The following ST18 variants were observed in gnomAD, a reference collection of about 807,000 sequenced individuals.
The protein encoded by ST18 is suppression of tumorigenicity 18 protein.
In ST18, 50 loss-of-function variants were observed where a neutral mutation model predicts 110.0. That is an observed-to-expected ratio of 0.45 (90% CI 0.36 to 0.58). The LOEUF (loss-of-function observed/expected upper bound fraction) is 0.58, where lower values mean the gene tolerates loss of function less well. Among genes scored for constraint, ST18 ranks in the 20% least tolerant of loss-of-function variants. The pLI is 0.00. For missense variants in ST18, 1,306 were observed against 1,280.1 expected (o/e 1.02, Z -0.31); for synonymous variants, 461 against 452.4 (o/e 1.02, Z -0.24).
intron 9 of ST18, 24 bp downstream of exon 9, chr8:52,180,098 A>C: frequency 6.2e-7 from 1 of 1,611,612 alleles, no homozygotes; most frequent in Non-Finnish European, 8.5e-7. Flanking sequence ...GAGCAGGTAA[A>C]GTTTGGGCTC....
At chr8:52,212,216 C>T in intron 7 of ST18, 107 bp from the exon 8 acceptor site, 1 of 1,036,572 alleles carries the variant, frequency 9.6e-7, no homozygotes, top group Non-Finnish European at 1.4e-6. Context: ...ATAAGTTTCT[C>T]ACTGGGTGGG....
intron 2 of ST18, among the ~76,000 whole-genome samples, chr8:52,319,138 C>A (rs2096080378): frequency 6.6e-6 from 1 of 152,042 alleles, no homozygotes; most frequent in African/African-American, 2.4e-5. Flanking sequence ...ATTCAGAAAA[C>A]AAACAAAAAA....
At chr8:52,118,566 C>A in intron 23 of ST18, 125 bp from the exon 24 acceptor site, 2 of 532,094 alleles carry the variant, frequency 3.8e-6, no homozygotes, top group South Asian at 3.3e-5. Flanking sequence ...CAAAACAATG[C>A]ATATCTAGGA....
intron 19 of ST18, among the ~76,000 whole-genome samples, chr8:52,135,946 C>A (rs539260996): frequency 6.6e-6 from 1 of 152,172 alleles, no homozygotes; most frequent in South Asian, 2.1e-4. Flanking sequence ...AATCCTATTT[C>A]TTTATCTTTT....
chr8:52,164,425 G>C (rs2062309305), intron 12 of ST18, among the ~76,000 whole-genome samples: 1 of 152,200 alleles, frequency 6.6e-6, no homozygotes, highest in East Asian at 1.9e-4. Context: ...CGAGAAGTTA[G>C]CATAACTCCT....
chr8:52,262,725 C>T (rs2094732963), intron 2 of ST18, among the ~76,000 whole-genome samples: 2 of 152,204 alleles, frequency 1.3e-5, no homozygotes, highest in East Asian at 3.8e-4. Flanking sequence ...GTCTGAATTT[C>T]TAAGTACCAT....
At chr8:52,250,761 GA>G (rs1305228342) in intron 2 of ST18, among the ~76,000 whole-genome samples, 1 of 151,762 alleles carries the variant, frequency 6.6e-6, no homozygotes, top group African/African-American at 2.4e-5. Context: ...TGGCCACCAA[GA>G]GATATTTACT....
chr8:52,268,122 G>A (rs770568199), intron 2 of ST18, among the ~76,000 whole-genome samples: 3 of 152,226 alleles, frequency 2.0e-5, no homozygotes, highest in Non-Finnish European at 2.9e-5. Context: ...TTTTGGTCCA[G>A]TGTGAATGGG....
intron 2 of ST18, among the ~76,000 whole-genome samples, chr8:52,273,540 C>T (rs1305839445): frequency 6.6e-6 from 1 of 152,200 alleles, no homozygotes; most frequent in Non-Finnish European, 1.5e-5. Flanking sequence ...TTACAGTCAA[C>T]TCTAACATCA....
chr8:52,178,989 C>T (rs943043335), intron 9 of ST18, among the ~76,000 whole-genome samples: 1 of 152,090 alleles, frequency 6.6e-6, no homozygotes, highest in Non-Finnish European at 1.5e-5. Context: ...TATGATTCTA[C>T]ATGCCATAAA....
chr8:52,308,942 A>G (rs925854091), intron 2 of ST18, among the ~76,000 whole-genome samples: 1 of 152,238 alleles, frequency 6.6e-6, no homozygotes, highest in African/African-American at 2.4e-5. Context: ...ACAGATGGGC[A>G]TATTCTCTTT....
At chr8:52,247,567 A>T (rs893996714) in intron 2 of ST18, among the ~76,000 whole-genome samples, 13 of 152,210 alleles carry the variant, frequency 8.5e-5, no homozygotes, top group African/African-American at 2.9e-4. Flanking sequence ...TTTCTGAAAC[A>T]TTCATTCTTG....
chr8:52,268,503 C>CTATCTATT (rs879597385), intron 2 of ST18, among the ~76,000 whole-genome samples: 2 of 148,706 alleles, frequency 1.3e-5, no homozygotes, highest in East Asian at 3.9e-4. Context: ...ATCTATCTAT[C>CTATCTATT]TATCTATTTA....
At chr8:52,303,388 T>C (rs2139576343) in intron 2 of ST18, among the ~76,000 whole-genome samples, 1 of 152,372 alleles carries the variant, frequency 6.6e-6, no homozygotes. Flanking sequence ...ACACCAGTTA[T>C]TGGATTTAAG....
chr8:52,209,974 C>T (rs549478986), intron 8 of ST18: 15 of 446,936 alleles, frequency 3.4e-5, no homozygotes, highest in African/African-American at 2.4e-4. Flanking sequence ...AATGTACACA[C>T]ATTAATTCCT....
In ST18 at chr8:52,111,749, G is replaced by A. The variant is rs1329921635; in HGVS notation, c.*1449C>T. On this transcript the variant is annotated 3_prime_UTR_variant, in exon 26 of 26. Coordinates refer to ENST00000689386, the MANE Select transcript of ST18 (RefSeq NM_001352837.2). ...ACAGAGGCACGTCTGCACATGAAAT[G>A]TGTGTGCACACCAAAAAGGCAGTTT... 2 of 152,592 alleles carry A rather than the reference G, an allele frequency of 1.3e-5. No individual in the cohort carries two copies. The highest frequency in any genetic ancestry group is 2.1e-4 in the South Asian group (1 of 4,826). 9.5% of individuals were successfully genotyped at this position (152,592 alleles called of 1,614,324 possible).
chr8:52,273,221 T>C (rs572252954), intron 2 of ST18, among the ~76,000 whole-genome samples: 1 of 152,314 alleles, frequency 6.6e-6, no homozygotes, highest in South Asian at 2.1e-4. Context: ...GAAACCAGCC[T>C]GAGTTGCAGT....
chr8:52,350,999 C>T (rs1361286186), intron 2 of ST18, among the ~76,000 whole-genome samples: 1 of 152,114 alleles, frequency 6.6e-6, no homozygotes, highest in Non-Finnish European at 1.5e-5. Flanking sequence ...GGATTACAGG[C>T]GTGAGCCACC....
intron 2 of ST18, among the ~76,000 whole-genome samples, chr8:52,365,580 GT>G (rs1021769090): frequency 1.8e-3 from 8 of 4,556 alleles, no homozygotes; most frequent in Non-Finnish European, 3.2e-3. Context: ...CCAGAAACTA[GT>G]TTAAAAAAAA....
Sources: gnomAD v4.1 joint callset for allele counts (sites outside exome capture counted in the v4.1 genomes callset) on GRCh38, gnomAD v4.1.1 for gene constraint, MANE v1.5 for transcripts, NCBI Gene and HGNC (gene_info 2026-07-23, HGNC 2026-07-21) for gene names.